The following SNX30 variants were observed in gnomAD, a reference collection of about 807,000 sequenced individuals.
SNX30 encodes the protein sorting nexin family member 30, also known as sorting nexin-30.
In SNX30, 24 loss-of-function variants were observed where a neutral mutation model predicts 46.4. The ratio of observed to expected loss-of-function variants is 0.52; its 90% CI spans 0.37 to 0.73. SNX30 has a LOEUF of 0.73. Among genes scored for constraint, SNX30 ranks in the 30% least tolerant of loss-of-function variants. SNX30 has a pLI of 0.00. For missense variants in SNX30, 533 were observed against 555.7 expected, an observed-to-expected ratio of 0.96 and a Z score of 0.41; for synonymous variants, 189 against 211.5, an observed-to-expected ratio of 0.89 and a Z score of 0.92.
In SNX30 at chr9:112,873,179, G is replaced by A. The variant is rs1360185400; in HGVS notation, c.*4336G>A. On this transcript the variant is annotated 3_prime_UTR_variant, in exon 9 of 9. Transcript: ENST00000374232. ...TATGACTGTCTAACCCTTTCTGTGT[G>A]GCAGAAAAATATGTTTTCCAGGTAG... 1 of 152,030 alleles carries A rather than the reference G, an allele frequency of 6.6e-6. No homozygotes were observed. The highest frequency in any genetic ancestry group is 1.5e-5 in the Non-Finnish European group (1 of 68,020). The allele number at this position is 152,030 out of a possible 1,614,324, so 9.4% of individuals were successfully genotyped here.
chr9:112,829,470 C>G (rs1429446112), intron 3 of SNX30, among the ~76,000 whole-genome samples: 2 of 152,086 alleles, frequency 1.3e-5, no homozygotes, highest in Non-Finnish European at 2.9e-5. Flanking sequence ...TTGGTAGAGA[C>G]GTGGTTTCAC....
At position 112,861,800 on chromosome 9, in the gene SNX30, A is replaced by G. The variant is rs561628243; in HGVS notation, c.1102-2447A>G. On this transcript the variant is annotated intron_variant, in intron 7 of 8. Transcript: ENST00000374232. ...CTCTGGAGTGCCTTCCAAGTGGTCA[A>G]ACATCTCACATCTGTCATCTTTAAA... Among the ~76,000 whole-genome samples, 10 of 152,238 alleles carry G rather than the reference A, an allele frequency of 6.6e-5. No homozygotes were observed. In the East Asian group the frequency reaches 1.5e-3, roughly 24 times the overall value.
intron 8 of SNX30, among the ~76,000 whole-genome samples, chr9:112,866,312 G>T (rs1841342634): frequency 1.3e-5 from 2 of 152,150 alleles, no homozygotes; most frequent in East Asian, 3.9e-4. Context: ...GGAAAGGCCA[G>T]TCTGAGGAAA....
chr9:112,814,069 G>A (rs1355228446), intron 2 of SNX30, among the ~76,000 whole-genome samples: 2 of 152,114 alleles, frequency 1.3e-5, no homozygotes, highest in Non-Finnish European at 2.9e-5. Flanking sequence ...TTGCAGTGGG[G>A]ATGGCCTTCT....
chr9:112,839,634 A>G (rs1341958425), intron 6 of SNX30, among the ~76,000 whole-genome samples: 1 of 152,256 alleles, frequency 6.6e-6, no homozygotes. Flanking sequence ...GGCACTGATT[A>G]GTAGAAAGGC....
intron 4 of SNX30, among the ~76,000 whole-genome samples, chr9:112,833,934 A>G (rs1840709551): frequency 6.6e-6 from 1 of 152,132 alleles, no homozygotes; most frequent in Non-Finnish European, 1.5e-5. Context: ...ACTAGAGGAG[A>G]TTGCTGCTGT....
At chr9:112,762,422 A>G (rs1839455616) in intron 1 of SNX30, among the ~76,000 whole-genome samples, 1 of 152,134 alleles carries the variant, frequency 6.6e-6, no homozygotes, top group African/African-American at 2.4e-5. Flanking sequence ...GTAGAGAAAG[A>G]TAAAGAAGAT....
intron 4 of SNX30, 108 bp downstream of exon 4, chr9:112,830,991 A>G: frequency 1.7e-6 from 2 of 1,182,204 alleles, no homozygotes; most frequent in Non-Finnish European, 2.3e-6. Context: ...TTTAACAAAT[A>G]GCCGAGTGTG....
rs891669896 is a variant in SNX30 at position 112,870,130 on chromosome 9, A to T, written c.*1287A>T. 2 of 151,960 alleles carry T rather than the reference A, an allele frequency of 1.3e-5. No individual in the cohort carries two copies. The highest frequency in any genetic ancestry group is 4.8e-5 in the African/African-American group (2 of 41,342). 9.4% of individuals were successfully genotyped at this position (151,960 alleles called of 1,614,324 possible). A position where few individuals can be genotyped will look rare whatever the true frequency, so the allele number is the denominator to read the frequency against. On this transcript the variant is annotated 3_prime_UTR_variant, in exon 9 of 9. Transcript: ENST00000374232. Reference sequence around the variant, plus strand: ...GACAATGACCAGGTTTACTTTTCAGATCACAAAGCAAACAGTCACCAAGGA... The same window carrying T: ...GACAATGACCAGGTTTACTTTTCAGTTCACAAAGCAAACAGTCACCAAGGA...
chr9:112,816,514 G>A (rs1161138789), intron 2 of SNX30, among the ~76,000 whole-genome samples: 1 of 152,230 alleles, frequency 6.6e-6, no homozygotes, highest in African/African-American at 2.4e-5. Context: ...ATATGCTGGT[G>A]TGTGGGACTT....
intron 2 of SNX30, among the ~76,000 whole-genome samples, chr9:112,817,400 G>GC (rs1840414081): frequency 2.9e-5 from 1 of 34,390 alleles, no homozygotes; most frequent in African/African-American, 2.0e-4. Context: ...AAAAAAACTG[G>GC]CTTTTTTTTT....
chr9:112,868,781 C>T lies in SNX30; in HGVS notation c.1255-3C>T, dbSNP rs1255202872. 45 of 1,613,898 alleles carry T rather than the reference C, an allele frequency of 2.8e-5. No homozygotes were observed. Among genetic ancestry groups the T allele is most frequent in the Non-Finnish European group, 3.5e-5 (41 of 1,179,920 alleles). ...ATACTGTGTGTGTATGTTGTCGTTCCAGTGCCTCATGGCGTGGGAGTCGAT... is the reference window on the plus strand; with the variant it reads ...ATACTGTGTGTGTATGTTGTCGTTCTAGTGCCTCATGGCGTGGGAGTCGAT... On this transcript the variant is annotated splice_region_variant and splice_polypyrimidine_tract_variant and intron_variant, in intron 8 of 8. Transcript: ENST00000374232.
At chr9:112,773,499 C>T (rs1839686679) in intron 1 of SNX30, among the ~76,000 whole-genome samples, 1 of 151,896 alleles carries the variant, frequency 6.6e-6, no homozygotes, top group Non-Finnish European at 1.5e-5. Context: ...AAGCAATCTT[C>T]CCAAGTAGCT....
intron 1 of SNX30, among the ~76,000 whole-genome samples, chr9:112,785,275 G>C (rs958275842): frequency 3.3e-5 from 5 of 151,962 alleles, no homozygotes; most frequent in African/African-American, 1.2e-4. Context: ...GAGTATGGTA[G>C]TGTGATCACA....
At chr9:112,857,216 T>A (rs1841145996) in intron 7 of SNX30, among the ~76,000 whole-genome samples, 1 of 152,038 alleles carries the variant, frequency 6.6e-6, no homozygotes. Flanking sequence ...TGCCCTCACC[T>A]CTCCCTCCCT....
At chr9:112,756,660 C>T (rs1839354787) in intron 1 of SNX30, among the ~76,000 whole-genome samples, 1 of 151,978 alleles carries the variant, frequency 6.6e-6, no homozygotes, top group Non-Finnish European at 1.5e-5. Flanking sequence ...GGGGTTTCAC[C>T]ATATTGGCCA....
intron 6 of SNX30, among the ~76,000 whole-genome samples, chr9:112,847,257 C>T (rs569201928): frequency 4.6e-5 from 7 of 151,106 alleles, no homozygotes; most frequent in Non-Finnish European, 8.9e-5. Context: ...CCAGCCGTCC[C>T]GTGCGTATCC....
intron 3 of SNX30, among the ~76,000 whole-genome samples, chr9:112,822,004 CT>C (rs2131429488): frequency 6.6e-6 from 1 of 152,160 alleles, no homozygotes; most frequent in South Asian, 2.1e-4. Context: ...GTCTTGAACT[CT>C]TGGGCTCAAG....
downstream of SNX30, among the ~76,000 whole-genome samples, chr9:112,876,196 T>TA (rs1841514863): frequency 2.0e-5 from 3 of 151,816 alleles, no homozygotes; most frequent in Admixed American, 2.0e-4. Flanking sequence ...CAAGAAGTGA[T>TA]AAAGGGAGGT....
Sources: allele counts gnomAD v4.1 joint callset (sites outside exome capture counted in the v4.1 genomes callset), GRCh38; gene constraint gnomAD v4.1.1; transcripts MANE v1.5; gene names NCBI Gene and HGNC (gene_info 2026-07-23, HGNC 2026-07-21).